Variants in PTPRK observed in about 807,000 individuals in gnomAD.
The protein encoded by PTPRK is protein tyrosine phosphatase receptor type K, also known as receptor-type tyrosine-protein phosphatase kappa.
In PTPRK, 75 loss-of-function variants were observed where a neutral mutation model predicts 178.0. That is an observed-to-expected ratio of 0.42 (90% CI 0.35 to 0.51). The LOEUF is 0.51. PTPRK is among the 20% of genes least tolerant of loss of function. The pLI, the probability that PTPRK is intolerant of heterozygous loss-of-function variation, is 0.02. For synonymous variants in PTPRK, 637 were observed against 620.6 expected, an observed-to-expected ratio of 1.03 and a Z score of -0.39; for missense variants, 1,441 against 1,797.8, an observed-to-expected ratio of 0.80 and a Z score of 3.59.
intron 2 of PTPRK, among the ~76,000 whole-genome samples, chr6:128,357,025 A>G (rs1834051687): frequency 6.6e-6 from 1 of 152,170 alleles, no homozygotes; most frequent in South Asian, 2.1e-4. Context: ...TGGGGTTTGA[A>G]TACTGGGGAA....
chr6:128,093,635 A>C (rs548323037), intron 7 of PTPRK, among the ~76,000 whole-genome samples: 1 of 150,352 alleles, frequency 6.7e-6, no homozygotes, highest in South Asian at 2.1e-4. Flanking sequence ...GAAAAAACAA[A>C]AAAACAAAAC....
chr6:127,988,300 C>CTTTTT (rs374249275), intron 21 of PTPRK, among the ~76,000 whole-genome samples: 6 of 117,658 alleles, frequency 5.1e-5, no homozygotes, highest in African/African-American at 1.3e-4. Context: ...TTATGCTAAC[C>CTTTTT]TTTTTTTTTT....
chr6:128,329,380 T>G (rs1159386002), intron 2 of PTPRK, among the ~76,000 whole-genome samples: 3 of 57,298 alleles, frequency 5.2e-5, no homozygotes, highest in Non-Finnish European at 9.9e-5. Context: ...AATATATAGA[T>G]AAACACACAC....
At chr6:128,388,533 C>T (rs1202455996) in intron 2 of PTPRK, among the ~76,000 whole-genome samples, 2 of 152,172 alleles carry the variant, frequency 1.3e-5, no homozygotes, top group African/African-American at 4.8e-5. Flanking sequence ...TTCTGCCACA[C>T]CTCCAAGTCA....
At chr6:128,333,062 A>G (rs1350090649) in intron 2 of PTPRK, among the ~76,000 whole-genome samples, 2 of 152,246 alleles carry the variant, frequency 1.3e-5, no homozygotes, top group Non-Finnish European at 2.9e-5. Flanking sequence ...AAGAGAAAAT[A>G]ATCAGTAACA....
intron 24 of PTPRK, 94 bp from the exon 25 acceptor site, chr6:127,981,383 G>T: frequency 8.7e-7 from 1 of 1,155,268 alleles, no homozygotes; most frequent in Non-Finnish European, 1.2e-6. Context: ...CAAGTAGAAA[G>T]TGAAGGATTT....
At position 128,452,448 on chromosome 6, in the gene PTPRK, G is replaced by C. The variant is rs148796052; in HGVS notation, c.101-54760C>G. Among the ~76,000 whole-genome samples, 244 of 152,112 alleles carry C rather than the reference G, an allele frequency of 1.6e-3. 1 individual carries two copies. The highest frequency in any genetic ancestry group is 5.6e-3 in the African/African-American group (234 of 41,486). On this transcript the variant is annotated intron_variant, in intron 1 of 29. Coordinates refer to ENST00000368226, the MANE Select transcript of PTPRK (RefSeq NM_002844.4). ...TAAGGTTTTAATTATCAAATATTTT[G>C]ATATGGTAAAATTATATACCTATAC...
At chr6:128,282,668 A>G (rs1054993130) in intron 3 of PTPRK, among the ~76,000 whole-genome samples, 2 of 152,226 alleles carry the variant, frequency 1.3e-5, no homozygotes, top group Non-Finnish European at 2.9e-5. Context: ...TTTTAACATA[A>G]TAATAATCCT....
chr6:128,436,748 C>T (rs778187047), intron 1 of PTPRK, among the ~76,000 whole-genome samples: 3 of 152,086 alleles, frequency 2.0e-5, no homozygotes, highest in Admixed American at 6.6e-5. Flanking sequence ...AGTATTTGTC[C>T]TTCTGTGACT....
At chr6:128,014,488 C>T (rs965749979) in intron 13 of PTPRK, among the ~76,000 whole-genome samples, 2 of 151,444 alleles carry the variant, frequency 1.3e-5, no homozygotes, top group African/African-American at 4.8e-5. Flanking sequence ...TCTTGTGTAG[C>T]TTTTAGGAAT....
At chr6:128,162,043 G>C (rs781101079) in intron 7 of PTPRK, among the ~76,000 whole-genome samples, 2 of 151,410 alleles carry the variant, frequency 1.3e-5, no homozygotes, top group Non-Finnish European at 1.5e-5. Flanking sequence ...AGACAATTTA[G>C]AGCTTACAAG....
chr6:128,010,516 A>G (rs763216284), intron 13 of PTPRK, among the ~76,000 whole-genome samples: 1 of 151,216 alleles, frequency 6.6e-6, no homozygotes, highest in Non-Finnish European at 1.5e-5. Context: ...CCATAGTTCT[A>G]TACATCCAAG....
intron 1 of PTPRK, among the ~76,000 whole-genome samples, chr6:128,514,027 T>G (rs886534080): frequency 6.6e-6 from 1 of 152,290 alleles, no homozygotes; most frequent in Middle Eastern, 3.4e-3. Flanking sequence ...TAAGGGAATT[T>G]CTGTGGCTGG....
At position 128,456,141 on chromosome 6, in the gene PTPRK, G is replaced by T. The variant is rs115472932; in HGVS notation, c.101-58453C>A. The stretch of plus-strand genomic sequence containing the variant: ...ATTCAAGATCCAGCAGTGGAATGGG[G>T]TGACATCATCGATACTCTGAAAATC... On this transcript the variant is annotated intron_variant, in intron 1 of 29. Coordinates refer to ENST00000368226, the MANE Select transcript of PTPRK (RefSeq NM_002844.4). Among the ~76,000 whole-genome samples, 675 of 152,140 alleles carry T rather than the reference G, an allele frequency of 4.4e-3. 5 individuals are homozygous for T. The highest frequency in any genetic ancestry group is 0.015 in the African/African-American group (641 of 41,540).
chr6:127,989,234 G>A (rs1218738912), intron 21 of PTPRK, among the ~76,000 whole-genome samples: 1 of 151,936 alleles, frequency 6.6e-6, no homozygotes, highest in Non-Finnish European at 1.5e-5. Flanking sequence ...TTAATAATAT[G>A]AGCTAGTTAT....
chr6:128,111,261 A>G (rs540605399), intron 7 of PTPRK, among the ~76,000 whole-genome samples: 8 of 152,316 alleles, frequency 5.3e-5, no homozygotes, highest in African/African-American at 1.9e-4. Flanking sequence ...ATGCTTGCCA[A>G]CTTAGACGCT....
Position 128,519,885 on chromosome 6 carries a change from C to A in PTPRK, c.100+374G>T, listed in dbSNP as rs1180914190. Among the ~76,000 whole-genome samples the A allele has an allele frequency of 2.6e-5, 4 of 152,184 alleles. No individual in the cohort carries two copies. Among genetic ancestry groups the A allele is most frequent in the African/African-American group, 9.7e-5 (4 of 41,450 alleles). ...TTCCCAGGGAATTTGTTTAAACACC[C>A]AAGTGGCAGACAGCAACAAACCCGC... is the stretch of plus-strand genomic sequence containing the variant. On this transcript the variant is annotated intron_variant, in intron 1 of 29. Transcript: ENST00000368226. The surrounding 1 kb of genome is among the most constrained non-coding windows in gnomAD (Gnocchi z 4.3).
chr6:128,253,670 G>A (rs563890429), intron 3 of PTPRK, among the ~76,000 whole-genome samples: 4 of 152,256 alleles, frequency 2.6e-5, no homozygotes, highest in Admixed American at 2.6e-4. Flanking sequence ...CACTTCACCT[G>A]CACAACTATA....
At chr6:128,147,032 T>A (rs916385697) in intron 7 of PTPRK, among the ~76,000 whole-genome samples, 1 of 152,158 alleles carries the variant, frequency 6.6e-6, no homozygotes, top group African/African-American at 2.4e-5. Context: ...ATTAGCTCAT[T>A]CTTCTACCTC....
Sources: allele counts gnomAD v4.1 joint callset (sites outside exome capture counted in the v4.1 genomes callset), GRCh38; gene constraint gnomAD v4.1.1; non-coding constraint Gnocchi (gnomAD v3.1); transcripts MANE v1.5; gene names NCBI Gene and HGNC (gene_info 2026-07-23, HGNC 2026-07-21).